FHIT: variants seen among roughly 807,000 people sequenced by gnomAD.
FHIT encodes the protein fragile histidine triad diadenosine triphosphatase.
FHIT carries 19 observed loss-of-function variants against 17.9 expected under a neutral mutation model. The ratio of observed to expected loss-of-function variants is 1.06; its 90% CI spans 0.74 to 1.56. The LOEUF is 1.56. FHIT is among the 40% of genes most tolerant of loss of function. FHIT has a pLI of 0.00. For synonymous variants in FHIT, 81 were observed against 69.7 expected, an observed-to-expected ratio of 1.16 and a Z score of -0.81; for missense variants, 248 against 189.2, an observed-to-expected ratio of 1.31 and a Z score of -1.82.
At chr3:60,780,899 C>T (rs1700363317) in intron 4 of FHIT, among the ~76,000 whole-genome samples, 1 of 152,150 alleles carries the variant, frequency 6.6e-6, no homozygotes, top group Non-Finnish European at 1.5e-5. Flanking sequence ...AAGCTGTGGG[C>T]AGGAAGTGCT....
At chr3:60,945,075 G>A (rs185620767) in intron 3 of FHIT, among the ~76,000 whole-genome samples, 1 of 152,242 alleles carries the variant, frequency 6.6e-6, no homozygotes, top group East Asian at 1.9e-4. Flanking sequence ...AAGAGATGGA[G>A]GATGATGAGG....
chr3:61,174,740 T>C (rs1424316652), intron 2 of FHIT, among the ~76,000 whole-genome samples: 2 of 152,232 alleles, frequency 1.3e-5, no homozygotes, highest in African/African-American at 4.8e-5. Flanking sequence ...TTTCTCAGGC[T>C]ATTCTGATAT....
At chr3:61,232,561 AGACAGGG>A (rs2040133577) in intron 1 of FHIT, among the ~76,000 whole-genome samples, 1 of 152,178 alleles carries the variant, frequency 6.6e-6, no homozygotes. Context: ...TCATAATCAA[AGACAGGG>A]GAGGACCAGG....
At chr3:60,980,096 G>C (rs768206776) in intron 3 of FHIT, among the ~76,000 whole-genome samples, 12 of 152,162 alleles carry the variant, frequency 7.9e-5, no homozygotes, top group Non-Finnish European at 1.3e-4. Context: ...GAAATGCACT[G>C]AGCGTCTTCC....
At chr3:60,130,920 C>G (rs954891974) in intron 5 of FHIT, among the ~76,000 whole-genome samples, 1 of 134,622 alleles carries the variant, frequency 7.4e-6, no homozygotes, top group African/African-American at 2.6e-5. Flanking sequence ...TATATGTATA[C>G]ATACATATAT....
At chr3:60,964,809 C>A (rs138828211) in intron 3 of FHIT, among the ~76,000 whole-genome samples, 2 of 152,316 alleles carry the variant, frequency 1.3e-5, no homozygotes, top group African/African-American at 4.8e-5. Context: ...TGTTGTTAGT[C>A]TGATGGGCTT....
At chr3:59,848,463 T>C (rs1701805770) in intron 8 of FHIT, among the ~76,000 whole-genome samples, 2 of 152,198 alleles carry the variant, frequency 1.3e-5, no homozygotes, top group Admixed American at 6.5e-5. Flanking sequence ...AGACCTTTAA[T>C]AGCTCTTTGG....
intron 3 of FHIT, among the ~76,000 whole-genome samples, chr3:61,025,784 G>C (rs931675395): frequency 1.3e-5 from 2 of 152,270 alleles, no homozygotes; most frequent in East Asian, 3.9e-4. Context: ...GGAATAATAG[G>C]AAAAGGTTTG....
intron 5 of FHIT, among the ~76,000 whole-genome samples, chr3:60,095,726 T>A (rs920114362): frequency 6.6e-6 from 1 of 152,198 alleles, no homozygotes; most frequent in African/African-American, 2.4e-5. Flanking sequence ...ATCAGATCTC[T>A]CACAGGCTGA....
At chr3:60,307,951 T>C (rs1297366964) in intron 5 of FHIT, among the ~76,000 whole-genome samples, 1 of 152,172 alleles carries the variant, frequency 6.6e-6, no homozygotes, top group Non-Finnish European at 1.5e-5. Context: ...GGGATCACTA[T>C]GCAGTGAGCA....
intron 5 of FHIT, among the ~76,000 whole-genome samples, chr3:60,146,382 C>G (rs1700241852): frequency 6.6e-6 from 1 of 151,862 alleles, no homozygotes; most frequent in Non-Finnish European, 1.5e-5. Context: ...TGAGCCATCC[C>G]CAGCATGATA....
intron 7 of FHIT, among the ~76,000 whole-genome samples, chr3:59,936,813 G>A (rs1156917170): frequency 4.6e-5 from 7 of 152,122 alleles, no homozygotes; most frequent in African/African-American, 1.7e-4. Flanking sequence ...CTCACTAGCT[G>A]AGCGCAATAC....
At chr3:60,353,533 C>T (rs1699512068) in intron 5 of FHIT, among the ~76,000 whole-genome samples, 1 of 152,132 alleles carries the variant, frequency 6.6e-6, no homozygotes, top group South Asian at 2.1e-4. Context: ...AATTACTCTT[C>T]TTTGTCTAAT....
intron 5 of FHIT, among the ~76,000 whole-genome samples, chr3:60,482,016 G>C (rs527703773): frequency 6.6e-6 from 1 of 152,250 alleles, no homozygotes; most frequent in East Asian, 1.9e-4. Flanking sequence ...AGAAAGCAGA[G>C]CTTGCAGTCC....
chr3:61,117,729 T>C (rs2036341461), intron 2 of FHIT, among the ~76,000 whole-genome samples: 1 of 152,192 alleles, frequency 6.6e-6, no homozygotes, highest in Non-Finnish European at 1.5e-5. Context: ...AGTAGATCAT[T>C]ACTCCCCAAT....
chr3:60,852,440 T>C (rs1575598189), intron 3 of FHIT, among the ~76,000 whole-genome samples: 2 of 152,076 alleles, frequency 1.3e-5, no homozygotes, highest in African/African-American at 2.4e-5. Context: ...CCCTGACTAA[T>C]ACAAATATTA....
intron 5 of FHIT, among the ~76,000 whole-genome samples, chr3:60,421,128 G>T (rs559465420): frequency 6.6e-6 from 1 of 151,572 alleles, no homozygotes; most frequent in African/African-American, 2.4e-5. Flanking sequence ...TGGCATTTTG[G>T]AAATATTGCT....
chr3:60,863,046 A>C (rs1251294442), intron 3 of FHIT, among the ~76,000 whole-genome samples: 2 of 152,150 alleles, frequency 1.3e-5, no homozygotes, highest in Non-Finnish European at 2.9e-5. Context: ...AAGGTGGAAG[A>C]ATCAGTCAGA....
intron 8 of FHIT, among the ~76,000 whole-genome samples, chr3:59,920,409 G>C (rs1053090928): frequency 1.3e-5 from 2 of 152,172 alleles, no homozygotes; most frequent in African/African-American, 4.8e-5. Flanking sequence ...CAAAATGTGG[G>C]AAGTAGAAAC....
Sources: gnomAD v4.1 joint callset for allele counts (sites outside exome capture counted in the v4.1 genomes callset) on GRCh38, gnomAD v4.1.1 for gene constraint, MANE v1.5 for transcripts, NCBI Gene and HGNC (gene_info 2026-07-23, HGNC 2026-07-21) for gene names.